UBASH3B: variants seen among roughly 807,000 people sequenced by gnomAD.
The protein encoded by UBASH3B is ubiquitin associated and SH3 domain containing B.
UBASH3B carries 37 observed loss-of-function variants against 83.4 expected under a neutral mutation model. That is an observed-to-expected ratio of 0.44 (90% confidence interval 0.34 to 0.58). UBASH3B has a LOEUF of 0.58. UBASH3B is among the 20% of genes least tolerant of loss of function. The pLI is 0.01. For synonymous variants in UBASH3B, 304 were observed against 318.3 expected (o/e 0.96, Z 0.48); for missense variants, 657 against 827.2 (o/e 0.79, Z 2.52).
chr11:122,782,508 A>AC (rs1007766237), intron 4 of UBASH3B: 195 of 151,838 alleles, frequency 1.3e-3, no homozygotes, highest in South Asian at 2.7e-3. Context: ...CAGGACAGCC[A>AC]CCCCCCCCAA....
intron 1 of UBASH3B, among the ~76,000 whole-genome samples, chr11:122,750,812 C>T (rs1388256984): frequency 6.6e-6 from 1 of 152,212 alleles, no homozygotes; most frequent in African/African-American, 2.4e-5. Flanking sequence ...ATAGAGTCCC[C>T]TCCTTCTCCA....
chr11:122,745,954 T>A (rs1214133397), intron 1 of UBASH3B, among the ~76,000 whole-genome samples: 1 of 152,342 alleles, frequency 6.6e-6, no homozygotes, highest in Middle Eastern at 3.4e-3. Flanking sequence ...TCAGCTGAGC[T>A]CCTTGAGGCC....
At chr11:122,790,818 G>A (rs1861040661) in intron 6 of UBASH3B, among the ~76,000 whole-genome samples, 2 of 152,086 alleles carry the variant, frequency 1.3e-5, no homozygotes, top group African/African-American at 4.8e-5. Context: ...GGGCGTGGTG[G>A]CATACACCTG....
At chr11:122,656,732 C>T (rs1231119873) in intron 1 of UBASH3B, among the ~76,000 whole-genome samples, 1 of 152,164 alleles carries the variant, frequency 6.6e-6, no homozygotes, top group Non-Finnish European at 1.5e-5. Flanking sequence ...GTTCGGTCTC[C>T]CCCTGGAGTA....
intron 1 of UBASH3B, among the ~76,000 whole-genome samples, chr11:122,695,080 C>T: frequency 6.8e-6 from 1 of 146,480 alleles, no homozygotes; most frequent in East Asian, 2.2e-4. Context: ...TCTCCTGTCT[C>T]AGCCTCCCTA....
At chr11:122,771,049 T>C (rs1161920873) in intron 1 of UBASH3B, among the ~76,000 whole-genome samples, 1 of 152,198 alleles carries the variant, frequency 6.6e-6, no homozygotes, top group Non-Finnish European at 1.5e-5. Context: ...CGTTTTCAGG[T>C]ATCTGCAAAG....
intron 1 of UBASH3B, among the ~76,000 whole-genome samples, chr11:122,733,763 T>C (rs1860884952): frequency 6.6e-6 from 1 of 152,238 alleles, no homozygotes. Flanking sequence ...TCAGAAGAAG[T>C]AATGTCTTGT....
intron 1 of UBASH3B, among the ~76,000 whole-genome samples, chr11:122,715,044 C>T (rs1339505675): frequency 6.6e-6 from 1 of 152,138 alleles, no homozygotes; most frequent in Non-Finnish European, 1.5e-5. Context: ...CTCCCGGGTT[C>T]ACGCCATTCT....
chr11:122,731,172 C>A (rs1423217502), intron 1 of UBASH3B, among the ~76,000 whole-genome samples: 1 of 152,186 alleles, frequency 6.6e-6, no homozygotes, highest in African/African-American at 2.4e-5. Context: ...AATTTAACAC[C>A]TTTTCCATCC....
Position 122,809,977 on chromosome 11 carries a change from T to A in UBASH3B, c.*91T>A. 1 of 1,452,138 alleles carries A rather than the reference T, an allele frequency of 6.9e-7. No individual in the cohort carries two copies. Among genetic ancestry groups the A allele is most frequent in the Non-Finnish European group, 9.4e-7 (1 of 1,064,694 alleles). The allele number at this position is 1,452,138 out of a possible 1,614,324, so 90.0% of individuals were successfully genotyped here. A position where few individuals can be genotyped will look rare whatever the true frequency, so the allele number is the denominator to read the frequency against. ...GGGAAAATCCACACCACACTCTAAG[T>A]GGACAGCTCAGAATAATTTAGCATA... On this transcript the variant is annotated 3_prime_UTR_variant, in exon 14 of 14. Transcript: ENST00000284273.
At chr11:122,760,041 C>A (rs913074251) in intron 1 of UBASH3B, among the ~76,000 whole-genome samples, 3 of 152,206 alleles carry the variant, frequency 2.0e-5, no homozygotes, top group Admixed American at 2.0e-4. Flanking sequence ...TATACATATA[C>A]CTTTAACATC....
At position 122,806,794 on chromosome 11, in the gene UBASH3B, T is replaced by C. The variant is rs1260175122; in HGVS notation, c.1702+278T>C. On this transcript the variant is annotated intron_variant, in intron 12 of 13. Transcript: ENST00000284273. This position sits in a 1 kb window ranked among gnomAD's most constrained non-coding sequence, Gnocchi z 4.0. ...GCACCCTGTGAAAGAGATTCCCTCT[T>C]ATAATTTCCAAAAGCTCTAGCATGC... Among the ~76,000 whole-genome samples, 1 of 152,214 alleles carries C rather than the reference T, an allele frequency of 6.6e-6. No individual in the cohort carries two copies. The highest frequency in any genetic ancestry group is 1.5e-5 in the Non-Finnish European group (1 of 68,048).
Position 122,806,329 on chromosome 11 carries a change from G to A in UBASH3B, c.1596-81G>A. The A allele has an allele frequency of 8.0e-7, 1 of 1,250,636 alleles. No homozygotes were observed. Among genetic ancestry groups the A allele is most frequent in the Non-Finnish European group, 1.1e-6 (1 of 886,536 alleles). 77.5% of individuals were successfully genotyped at this position (1,250,636 alleles called of 1,614,324 possible). ...TCTACGGGATCTTTAGAAATGCCTT[G>A]AAATAAAAGTTTAGAGTGATATCTT... On this transcript the variant is annotated intron_variant, in intron 11 of 13. Transcript: ENST00000284273. The surrounding 1 kb of genome is among the most constrained non-coding windows in gnomAD (Gnocchi z 4.0).
chr11:122,749,709 A>G (rs1365926818), intron 1 of UBASH3B, among the ~76,000 whole-genome samples: 2 of 152,164 alleles, frequency 1.3e-5, no homozygotes, highest in African/African-American at 4.8e-5. Context: ...GCTATTTGAG[A>G]GGTAATCATT....
intron 7 of UBASH3B, 150 bp from the exon 8 acceptor site, chr11:122,796,006 T>C: frequency 3.4e-6 from 3 of 890,254 alleles, no homozygotes; most frequent in African/African-American, 1.7e-5. Flanking sequence ...CCAAATAACT[T>C]ATGAGGTCTG....
Position 122,655,954 on chromosome 11 carries a change from T to G in UBASH3B, c.-96T>G. 7.8e-5 allele frequency: 93 copies of G among 1,189,684 alleles called. No homozygotes were observed. Among genetic ancestry groups the G allele is most frequent in the Non-Finnish European group, 9.5e-5 (86 of 908,922 alleles). 73.7% of individuals were successfully genotyped at this position (1,189,684 alleles called of 1,614,324 possible). On this transcript the variant is annotated 5_prime_UTR_variant, in exon 1 of 14. Coordinates refer to ENST00000284273, the MANE Select transcript of UBASH3B (RefSeq NM_032873.5). ...CCGCCGCCTCCTGCCTGGCTCTGGG[T>G]CCCCGAGCCCCCTCCCCTGGCCCAG...
chr11:122,730,006 G>C (rs71488376), intron 1 of UBASH3B, among the ~76,000 whole-genome samples: 1 of 82,642 alleles, frequency 1.2e-5, no homozygotes, highest in African/African-American at 4.7e-5. Context: ...AAAAAAAAAG[G>C]CCAGGTGCAG....
chr11:122,713,187 G>A (rs1468775087), intron 1 of UBASH3B, among the ~76,000 whole-genome samples: 1 of 152,116 alleles, frequency 6.6e-6, no homozygotes, highest in African/African-American at 2.4e-5. Flanking sequence ...GATTACAGGC[G>A]TGAGCCACTG....
chr11:122,716,964 C>T (rs1046220290), intron 1 of UBASH3B, among the ~76,000 whole-genome samples: 1 of 152,150 alleles, frequency 6.6e-6, no homozygotes, highest in African/African-American at 2.4e-5. Context: ...TTCTCCCGTC[C>T]TGTCTAAGTA....
Sources: gnomAD v4.1 joint callset for allele counts (sites outside exome capture counted in the v4.1 genomes callset) on GRCh38, gnomAD v4.1.1 for gene constraint, Gnocchi (gnomAD v3.1) non-coding constraint, MANE v1.5 for transcripts, NCBI Gene and HGNC (gene_info 2026-07-23, HGNC 2026-07-21) for gene names.